The following POT1 variants were observed in gnomAD, a reference collection of about 807,000 sequenced individuals.
POT1 encodes the protein protection of telomeres 1, also known as protection of telomeres protein 1.
A neutral mutation model predicts 78.5 loss-of-function variants in POT1; 47 were observed. The ratio of observed to expected loss-of-function variants is 0.60; its 90% confidence interval spans 0.47 to 0.76. The LOEUF (loss-of-function observed/expected upper bound fraction) is 0.76. Ranked by LOEUF, POT1 falls within the 30% of genes least tolerant of loss-of-function variation. POT1 has a pLI of 0.00. For missense variants in POT1, 646 were observed against 749.9 expected (o/e 0.86, Z 1.62); for synonymous variants, 259 against 260.7 (o/e 0.99, Z 0.06).
intron 13 of POT1, among the ~76,000 whole-genome samples, chr7:124,842,360 C>A (rs1795048375): frequency 6.6e-6 from 1 of 151,764 alleles, no homozygotes; most frequent in East Asian, 1.9e-4. Context: ...TTCTCAATTA[C>A]TAAAGAAAAT....
chr7:124,856,307 CAAAT>C (rs1304062741), intron 9 of POT1, among the ~76,000 whole-genome samples: 1 of 152,160 alleles, frequency 6.6e-6, no homozygotes, highest in African/African-American at 2.4e-5. Context: ...TGTCAGAAAA[CAAAT>C]AAATGTGATG....
chr7:124,925,742 C>G (rs1380741502), intron 2 of POT1, among the ~76,000 whole-genome samples: 1 of 152,030 alleles, frequency 6.6e-6, no homozygotes. Flanking sequence ...TAGCATGGTA[C>G]TAGTATAAAA....
At chr7:124,905,746 G>A (rs1439660075) in intron 3 of POT1, among the ~76,000 whole-genome samples, 1 of 151,118 alleles carries the variant, frequency 6.6e-6, no homozygotes, top group East Asian at 2.0e-4. Context: ...ATCTGACAAA[G>A]GGCTAATATC....
At chr7:124,904,397 CAT>C (rs766272782) in intron 3 of POT1, among the ~76,000 whole-genome samples, 3 of 152,158 alleles carry the variant, frequency 2.0e-5, no homozygotes, top group Non-Finnish European at 2.9e-5. Context: ...ACAAAAACCA[CAT>C]GATTATCTCA....
At chr7:124,874,769 T>G (rs1204538113) in intron 6 of POT1, among the ~76,000 whole-genome samples, 16 of 140,488 alleles carry the variant, frequency 1.1e-4, no homozygotes, top group African/African-American at 7.9e-5. Flanking sequence ...GAAAATGAGG[T>G]TAGGAAGACA....
At chr7:124,853,741 T>TA (rs1795375074) in intron 9 of POT1, among the ~76,000 whole-genome samples, 1 of 152,080 alleles carries the variant, frequency 6.6e-6, no homozygotes. Context: ...GTTAACTAAT[T>TA]AGAGTTTTGA....
chr7:124,864,452 A>G (rs1190488195), intron 7 of POT1, among the ~76,000 whole-genome samples: 1 of 152,006 alleles, frequency 6.6e-6, no homozygotes, highest in African/African-American at 2.4e-5. Context: ...TGAGTCTACT[A>G]TCTTATTTGT....
At chr7:124,835,086 C>A (rs1262987932) in intron 15 of POT1, among the ~76,000 whole-genome samples, 193 bp downstream of exon 15, 1 of 151,996 alleles carries the variant, frequency 6.6e-6, no homozygotes, top group African/African-American at 2.4e-5. Context: ...CACACCAGGG[C>A]CTGTCAGGGG....
At position 124,841,265 on chromosome 7, in the gene POT1, A is replaced by G. The variant is rs1795022144; in HGVS notation, c.1164-87T>C. 3.8e-6 allele frequency: 4 copies of G among 1,064,964 alleles called. No homozygotes were observed. In the South Asian group the frequency reaches 6.0e-5, roughly 16 times the overall value. 66.0% of individuals were successfully genotyped at this position (1,064,964 alleles called of 1,614,324 possible). On this transcript the variant is annotated intron_variant, in intron 13 of 18. Coordinates refer to ENST00000357628, the MANE Select transcript of POT1 (RefSeq NM_015450.3). ...TTAACAAGTTATCAAATTAAAAAGT[A>G]TCATTCTTACATGTAGATGAGTCAG...
chr7:124,861,837 C>G (rs1795605158), intron 8 of POT1, among the ~76,000 whole-genome samples: 1 of 152,140 alleles, frequency 6.6e-6, no homozygotes, highest in South Asian at 2.1e-4. Context: ...GCCAGTCTTC[C>G]CAACACCACT....
intron 7 of POT1, among the ~76,000 whole-genome samples, chr7:124,870,422 T>C (rs973907461): frequency 1.6e-4 from 25 of 152,238 alleles, no homozygotes; most frequent in African/African-American, 6.0e-4. Context: ...CCTGTTCATA[T>C]CTTATTTCTT....
At chr7:124,904,169 G>T (rs1257027768) in intron 3 of POT1, among the ~76,000 whole-genome samples, 6 of 152,134 alleles carry the variant, frequency 3.9e-5, no homozygotes, top group African/African-American at 1.4e-4. Flanking sequence ...TATTTTATGA[G>T]GTCAGCATTA....
chr7:124,896,071 C>T (rs2116639776), intron 5 of POT1, among the ~76,000 whole-genome samples: 1 of 151,702 alleles, frequency 6.6e-6, no homozygotes, highest in South Asian at 2.1e-4. Context: ...ATACTATATT[C>T]TCAAAAAAAT....
chr7:124,889,604 A>C (rs1282638469), intron 6 of POT1, among the ~76,000 whole-genome samples: 1 of 151,992 alleles, frequency 6.6e-6, no homozygotes, highest in African/African-American at 2.4e-5. Flanking sequence ...GCTTCAAAAA[A>C]CAGGTTCACT....
chr7:124,921,452 A>T (rs1797147780), intron 2 of POT1, among the ~76,000 whole-genome samples: 1 of 152,156 alleles, frequency 6.6e-6, no homozygotes. Context: ...TTATTTAATA[A>T]GAAAGAAAAT....
chr7:124,828,796 T>A (rs1422185212), intron 16 of POT1: 2 of 435,002 alleles, frequency 4.6e-6, no homozygotes, highest in African/African-American at 2.0e-5. Context: ...AAATAAAACA[T>A]GAGATGGCTG....
At chr7:124,922,620 T>C (rs561856192) in intron 2 of POT1, among the ~76,000 whole-genome samples, 49 of 152,040 alleles carry the variant, frequency 3.2e-4, no homozygotes, top group African/African-American at 1.1e-3. Flanking sequence ...TTGTTAGTAC[T>C]AGCATAACCA....
At position 124,924,759 on chromosome 7, in the gene POT1, A is replaced by G. The variant is rs573786691; in HGVS notation, c.-227+4056T>C. Among the ~76,000 whole-genome samples the G allele has an allele frequency of 1.1e-4, 17 of 152,210 alleles. No homozygotes were observed. The South Asian group carries it at 3.5e-3, about 32-fold the overall frequency. The stretch of plus-strand genomic sequence containing the variant: ...TCCAACAGCATGTCAAAAAGATCAT[A>G]CACCATGATCAAGTGAGATTTATCT... On this transcript the variant is annotated intron_variant, in intron 2 of 18. Transcript: ENST00000357628.
chr7:124,842,780 G>A (rs769168954), intron 13 of POT1, 27 bp downstream of exon 13: 14 of 1,555,846 alleles, frequency 9.0e-6, no homozygotes, highest in Middle Eastern at 1.7e-4. Flanking sequence ...ATATGAAAAC[G>A]TTTGTTTTAT....
Sources: gnomAD v4.1 joint callset for allele counts (sites outside exome capture counted in the v4.1 genomes callset) on GRCh38, gnomAD v4.1.1 for gene constraint, MANE v1.5 for transcripts, NCBI Gene and HGNC (gene_info 2026-07-23, HGNC 2026-07-21) for gene names.